The following RNF4 variants were observed in gnomAD, a reference collection of about 807,000 sequenced individuals.
RNF4 encodes the protein ring finger protein 4.
In RNF4, 7 loss-of-function variants were observed where a neutral mutation model predicts 24.3. The ratio of observed to expected loss-of-function variants is 0.29; its 90% CI spans 0.16 to 0.54. RNF4 has a LOEUF of 0.54. RNF4 is among the 20% of genes least tolerant of loss of function. The pLI is 0.95. For missense variants in RNF4, 209 were observed against 248.5 expected (o/e 0.84, Z 1.07); for synonymous variants, 83 against 84.3 (o/e 0.98, Z 0.09).
intron 1 of RNF4, chr4:2,480,243 C>G (rs912877224): frequency 6.6e-6 from 1 of 150,928 alleles, no homozygotes; most frequent in African/African-American, 2.4e-5. Context: ...ATGCCTGGCC[C>G]TAGAGCTTGA....
chr4:2,474,859 G>C (rs182062977), intron 1 of RNF4, among the ~76,000 whole-genome samples: 1 of 151,894 alleles, frequency 6.6e-6, no homozygotes, highest in East Asian at 1.9e-4. Flanking sequence ...ACCCCGTCTC[G>C]ACTAAAAATA....
chr4:2,491,372 G>A (rs1014843697), intron 2 of RNF4, among the ~76,000 whole-genome samples: 3 of 152,092 alleles, frequency 2.0e-5, no homozygotes, highest in Non-Finnish European at 2.9e-5. Flanking sequence ...ACATAGCTGC[G>A]ATTACAGGCA....
intron 1 of RNF4, among the ~76,000 whole-genome samples, chr4:2,471,637 A>G (rs561157707): frequency 1.3e-5 from 2 of 152,350 alleles, no homozygotes; most frequent in East Asian, 3.9e-4. Context: ...ATGCAGAGGA[A>G]GAGTTCTTGA....
intron 4 of RNF4, among the ~76,000 whole-genome samples, chr4:2,509,986 C>T (rs572299990): frequency 2.0e-5 from 3 of 152,170 alleles, no homozygotes; most frequent in Admixed American, 6.5e-5. Flanking sequence ...AGATTTCATG[C>T]GGACAGTACA....
intron 1 of RNF4, among the ~76,000 whole-genome samples, chr4:2,489,525 A>C (rs1457543764): frequency 6.6e-6 from 1 of 152,222 alleles, no homozygotes; most frequent in Non-Finnish European, 1.5e-5. Context: ...TGGAGGGCCT[A>C]GCAGGCTGTG....
At chr4:2,479,337 T>C (rs1735177439) in intron 1 of RNF4, among the ~76,000 whole-genome samples, 1 of 152,156 alleles carries the variant, frequency 6.6e-6, no homozygotes, top group African/African-American at 2.4e-5. Flanking sequence ...TGGGAAGGCA[T>C]GATTTATTTT....
chr4:2,470,574 C>T (rs1734871353), intron 1 of RNF4, among the ~76,000 whole-genome samples: 2 of 152,146 alleles, frequency 1.3e-5, no homozygotes, highest in Admixed American at 1.3e-4. Context: ...CATTGTTTTT[C>T]TAATCTTCAT....
chr4:2,483,803 CAA>C (rs567001773), intron 1 of RNF4, among the ~76,000 whole-genome samples: 1 of 150,142 alleles, frequency 6.7e-6, no homozygotes, highest in African/African-American at 2.4e-5. Context: ...GACTGTGTCT[CAA>C]AAAAAAATTA....
chr4:2,475,361 T>G (rs1470906183), intron 1 of RNF4, among the ~76,000 whole-genome samples: 1 of 150,436 alleles, frequency 6.6e-6, no homozygotes, highest in Non-Finnish European at 1.5e-5. Flanking sequence ...GTTTTTGAGA[T>G]GTAGTCTCAC....
intron 4 of RNF4, 86 bp from the exon 5 acceptor site, chr4:2,511,870 C>T (rs915560056): frequency 1.6e-5 from 22 of 1,376,642 alleles, no homozygotes; most frequent in African/African-American, 5.7e-5. Flanking sequence ...GGGTGTCACA[C>T]GTCAGAAAAA....
Position 2,513,698 on chromosome 4 carries a change from C to G in RNF4, c.452C>G (p.Ser151Cys). ...EIVQNGRLIV[S>C]TECGHVFCSQ... ...GTGCAGAATGGACGTCTCATCGTTT[C>G]CACAGAATGCGGCCATGTCTTCTGT... Residue 151 changes from serine (S) to cysteine (C), a missense_variant, in exon 8 of 8, where the codon TCC becomes TGC. Transcript: ENST00000314289. 3 of 1,614,002 alleles carry G rather than the reference C, an allele frequency of 1.9e-6. No individual in the cohort carries two copies. The highest frequency in any genetic ancestry group is 2.5e-6 in the Non-Finnish European group (3 of 1,179,896).
intron 3 of RNF4, among the ~76,000 whole-genome samples, chr4:2,498,161 G>C (rs1735794528): frequency 3.3e-5 from 5 of 152,078 alleles, no homozygotes; most frequent in Admixed American, 3.3e-4. Context: ...TGTGTACTTA[G>C]GGCTGCCCAT....
chr4:2,487,803 G>C (rs1428186574), intron 1 of RNF4, among the ~76,000 whole-genome samples: 1 of 152,164 alleles, frequency 6.6e-6, no homozygotes, highest in Non-Finnish European at 1.5e-5. Flanking sequence ...CTTTATTAGA[G>C]TGAAACAGTG....
chr4:2,508,410 C>T lies in RNF4; in HGVS notation c.205-3546C>T, dbSNP rs143022075. Among the ~76,000 whole-genome samples the T allele has an allele frequency of 1.4e-3, 210 of 152,210 alleles. 2 individuals are homozygous for T. Among genetic ancestry groups the T allele is most frequent in the African/African-American group, 4.4e-3 (183 of 41,520 alleles). Reference sequence around the variant, plus strand: ...GCAAGTACTGTGCCACCTGCAGGGCCATAGCTGTGATTTAGGTTCATTACA... The same window carrying T: ...GCAAGTACTGTGCCACCTGCAGGGCTATAGCTGTGATTTAGGTTCATTACA... On this transcript the variant is annotated intron_variant, in intron 4 of 7. Transcript: ENST00000314289.
At position 2,497,001 on chromosome 4, in the gene RNF4, A is replaced by G; in HGVS notation, c.10-6A>G. Reference sequence around the variant, plus strand: ...ATGTGACTCTTCTTTCCCCCTTGCTACTCAGAGAAAGCGTCGTGGTGGAGC... The same window carrying G: ...ATGTGACTCTTCTTTCCCCCTTGCTGCTCAGAGAAAGCGTCGTGGTGGAGC... On this transcript the variant is annotated splice_region_variant and splice_polypyrimidine_tract_variant and intron_variant, in intron 2 of 7. Transcript: ENST00000314289. 7 of 1,588,868 alleles carry G rather than the reference A, an allele frequency of 4.4e-6. No individual in the cohort carries two copies. The highest frequency in any genetic ancestry group is 6.0e-6 in the Non-Finnish European group (7 of 1,167,508).
At chr4:2,506,106 A>T (rs1736092076) in intron 4 of RNF4, 1 of 152,198 alleles carries the variant, frequency 6.6e-6, no homozygotes, top group Non-Finnish European at 1.5e-5. Context: ...GCCATCAGAT[A>T]CAGTTTTGGT....
intron 1 of RNF4, among the ~76,000 whole-genome samples, chr4:2,473,185 C>G (rs2108747247): frequency 6.6e-6 from 1 of 151,672 alleles, no homozygotes. Context: ...AGTTTGAGAC[C>G]AGCCTGCCCA....
chr4:2,497,907 T>TA (rs1357902882), intron 3 of RNF4, among the ~76,000 whole-genome samples: 1 of 152,224 alleles, frequency 6.6e-6, no homozygotes, highest in Non-Finnish European at 1.5e-5. Context: ...GTGCTGGTAT[T>TA]ACAGGCGTGA....
In RNF4 at chr4:2,512,645, C is replaced by A; in HGVS notation, c.374+48C>A. The A allele has an allele frequency of 6.2e-7, 1 of 1,600,930 alleles. No individual in the cohort carries two copies. The highest frequency in any genetic ancestry group is 8.5e-7 in the Non-Finnish European group (1 of 1,172,190). On this transcript the variant is annotated intron_variant, in intron 6 of 7. Coordinates refer to ENST00000314289, the MANE Select transcript of RNF4 (RefSeq NM_002938.5). The surrounding 1 kb of genome is among the most constrained non-coding windows in gnomAD (Gnocchi z 4.1). Reference sequence around the variant, plus strand: ...GCTGCCGCCATGCTAGGATGTGGGGCCAGGGCATGGGAATACTTTTCAGCA... The same window carrying A: ...GCTGCCGCCATGCTAGGATGTGGGGACAGGGCATGGGAATACTTTTCAGCA...
Sources: gnomAD v4.1 joint callset for allele counts (sites outside exome capture counted in the v4.1 genomes callset) on GRCh38, gnomAD v4.1.1 for gene constraint, Gnocchi (gnomAD v3.1) non-coding constraint, MANE v1.5 for transcripts, NCBI Gene and HGNC (gene_info 2026-07-23, HGNC 2026-07-21) for gene names.